DCAF6: variants seen among roughly 807,000 people sequenced by gnomAD.
DCAF6 encodes the protein DDB1 and CUL4 associated factor 6, also known as DDB1- and CUL4-associated factor 6.
Under a neutral mutation model 125.1 loss-of-function variants are expected in DCAF6, and 54 were observed. That is an observed-to-expected ratio of 0.43 (90% CI 0.35 to 0.54). The LOEUF is 0.54. DCAF6 is among the 20% of genes least tolerant of loss of function. The pLI, the probability that DCAF6 is intolerant of heterozygous loss-of-function variation, is 0.01. For missense variants in DCAF6, 934 were observed against 1,161.7 expected (o/e 0.80, Z 2.85); for synonymous variants, 371 against 390.4 (o/e 0.95, Z 0.58).
intron 17 of DCAF6, among the ~76,000 whole-genome samples, chr1:168,051,489 T>A (rs1689934021): frequency 6.6e-6 from 1 of 152,188 alleles, no homozygotes; most frequent in Admixed American, 6.5e-5. Context: ...TTTGAGTAGA[T>A]CTTTAAAGTG....
At chr1:168,015,024 T>G (rs1557979404) in intron 10 of DCAF6, among the ~76,000 whole-genome samples, 2 of 152,188 alleles carry the variant, frequency 1.3e-5, no homozygotes, top group Non-Finnish European at 2.9e-5. Context: ...TATTCGCAAA[T>G]GTCTTTTTCT....
chr1:167,925,600 G>A, the DCAF6 span, among the ~76,000 whole-genome samples: 8 of 144,418 alleles, frequency 5.5e-5, no homozygotes, highest in Non-Finnish European at 1.2e-4. Context: ...AGGCTGGAGT[G>A]CAATGGCACA....
the DCAF6 span, among the ~76,000 whole-genome samples, chr1:167,897,517 GTA>G: frequency 2.9e-5 from 2 of 69,004 alleles, no homozygotes; most frequent in Non-Finnish European, 5.2e-5. Context: ...ATATATATAT[GTA>G]TATATATATA....
intron 2 of DCAF6, among the ~76,000 whole-genome samples, chr1:167,958,037 T>G (rs12086685): frequency 0.03 from 4,565 of 152,214 alleles, 233 homozygotes; most frequent in African/African-American, 0.1. Context: ...GGGACTCTTG[T>G]CATGGGACTC....
chr1:167,913,644 C>T, the DCAF6 span, among the ~76,000 whole-genome samples: 1 of 151,570 alleles, frequency 6.6e-6, no homozygotes, highest in Admixed American at 6.6e-5. Flanking sequence ...TACTCCACAG[C>T]ACCTTGCCAG....
chr1:167,925,450 TATATATATATATATATATATATATAC>T, the DCAF6 span, among the ~76,000 whole-genome samples: 27 of 107,812 alleles, frequency 2.5e-4, no homozygotes, highest in Non-Finnish European at 3.5e-4. Context: ...CACATATATA[TATATATATATATATATATATATATAC>T]ATATACATAT....
At position 167,936,869 on chromosome 1, in the gene DCAF6, C is replaced by A; in HGVS notation, c.-43C>A. ...GGTGTCCCCTCCCCCTCCTCCCCTC[C>A]CCCACGCGGTGGTCTCCCCTCCCAC... On this transcript the variant is annotated 5_prime_UTR_variant, in exon 1 of 22. Transcript: ENST00000367840. 1 of 1,503,632 alleles carries A rather than the reference C, an allele frequency of 6.7e-7. No homozygotes were observed. Among genetic ancestry groups the A allele is most frequent in the Non-Finnish European group, 9.1e-7 (1 of 1,103,658 alleles). The allele number at this position is 1,503,632 out of a possible 1,614,324, so 93.1% of individuals were successfully genotyped here. A position where few individuals can be genotyped will look rare whatever the true frequency, so the allele number is the denominator to read the frequency against.
At chr1:167,872,943 A>G in the DCAF6 span, among the ~76,000 whole-genome samples, 14 of 151,568 alleles carry the variant, frequency 9.2e-5, no homozygotes, top group Non-Finnish European at 2.1e-4. Flanking sequence ...GGTGGTGTGC[A>G]CCTGTAATCC....
At chr1:168,002,401 A>G in intron 7 of DCAF6, 81 bp from the exon 8 acceptor site, 1 of 1,216,232 alleles carries the variant, frequency 8.2e-7, no homozygotes, top group Non-Finnish European at 1.2e-6. Context: ...GATGGAAATA[A>G]ATAGACATAA....
chr1:168,033,754 A>G (rs1427213156), intron 12 of DCAF6, among the ~76,000 whole-genome samples: 1 of 152,198 alleles, frequency 6.6e-6, no homozygotes, highest in Admixed American at 6.5e-5. Flanking sequence ...GCATGTTTCA[A>G]ATAAATGGTA....
At chr1:168,068,210 G>A in intron 20 of DCAF6, 148 bp from the exon 21 acceptor site, 1 of 453,282 alleles carries the variant, frequency 2.2e-6, no homozygotes, top group Non-Finnish European at 4.0e-6. Context: ...GCATTGAATA[G>A]ACTTAAGGCA....
intron 12 of DCAF6, among the ~76,000 whole-genome samples, chr1:168,033,139 A>T (rs1267076703): frequency 6.6e-6 from 1 of 152,176 alleles, no homozygotes; most frequent in Non-Finnish European, 1.5e-5. Flanking sequence ...CATTACAAAA[A>T]ATAGTTACTT....
intron 12 of DCAF6, 59 bp downstream of exon 12, chr1:168,023,106 T>A (rs201541): frequency 0.37 from 563,889 of 1,506,658 alleles, 112,514 homozygotes; most frequent in African/African-American, 0.69. Context: ...GCAATGCATA[T>A]ACTAAGCTCT....
At chr1:167,925,442 C>CACATATATAT in the DCAF6 span, among the ~76,000 whole-genome samples, 33 of 82,476 alleles carry the variant, frequency 4.0e-4, no homozygotes, top group South Asian at 8.1e-4. Context: ...TACATATACA[C>CACATATATAT]ATATATATAT....
chr1:167,894,954 G>T, the DCAF6 span, among the ~76,000 whole-genome samples: 1 of 152,136 alleles, frequency 6.6e-6, no homozygotes, highest in East Asian at 1.9e-4. Flanking sequence ...GGAGGCCAAG[G>T]CAGGCGGATC....
intron 3 of DCAF6, among the ~76,000 whole-genome samples, chr1:167,971,802 C>G (rs746727435): frequency 6.6e-6 from 1 of 152,020 alleles, no homozygotes; most frequent in Non-Finnish European, 1.5e-5. Context: ...ATGCATTGAT[C>G]CAAGGAAAGC....
At chr1:167,932,823 A>AG (rs1553201574), upstream of DCAF6, among the ~76,000 whole-genome samples, 6 of 150,650 alleles carry the variant, frequency 4.0e-5, no homozygotes, top group African/African-American at 1.2e-4. Context: ...AAAAAAAAAA[A>AG]AAAAGAAAAG....
chr1:167,898,875 T>C, the DCAF6 span, among the ~76,000 whole-genome samples: 2 of 152,168 alleles, frequency 1.3e-5, no homozygotes, highest in African/African-American at 4.8e-5. Flanking sequence ...AAAGCACAGC[T>C]TTTTTAATTG....
In DCAF6 at chr1:168,004,005, A is replaced by G. The variant is rs375542668; in HGVS notation, c.1117+16A>G. On this transcript the variant is annotated intron_variant, in intron 9 of 21. Coordinates refer to ENST00000367840, the MANE Select transcript of DCAF6 (RefSeq NM_001198956.2). ...CGACCCAGAGGTAATTTTTAATGTT[A>G]ATTAAAGTCATCAGAAAGCTGGCAA... is the stretch of plus-strand genomic sequence containing the variant. 2.3e-4 allele frequency: 362 copies of G among 1,605,660 alleles called. 1 individual carries two copies. Among genetic ancestry groups the G allele is most frequent in the Middle Eastern group, 1.5e-3 (9 of 5,880 alleles).
Sources: allele counts gnomAD v4.1 joint callset (sites outside exome capture counted in the v4.1 genomes callset), GRCh38; gene constraint gnomAD v4.1.1; transcripts MANE v1.5; gene names NCBI Gene and HGNC (gene_info 2026-07-23, HGNC 2026-07-21).